Variants in SHISA6 observed in about 807,000 individuals in gnomAD.
The protein encoded by SHISA6 is shisa family member 6.
Under a neutral mutation model 47.9 loss-of-function variants are expected in SHISA6, and 22 were observed. The observed-to-expected ratio is 0.46, with a 90% CI of 0.33 to 0.66. The LOEUF is 0.66. SHISA6 is among the 30% of genes least tolerant of loss of function. SHISA6 has a pLI of 0.02. For missense variants in SHISA6, 680 were observed against 764.6 expected (o/e 0.89, Z 1.30); for synonymous variants, 388 against 337.8 (o/e 1.15, Z -1.63).
At chr17:11,416,585 T>G (rs1914289153) in intron 3 of SHISA6, among the ~76,000 whole-genome samples, 1 of 152,216 alleles carries the variant, frequency 6.6e-6, no homozygotes. Context: ...TGAATGAAAA[T>G]TACTTGGATT....
chr17:11,421,159 C>G (rs1914443521), intron 3 of SHISA6, among the ~76,000 whole-genome samples: 1 of 152,210 alleles, frequency 6.6e-6, no homozygotes, highest in Non-Finnish European at 1.5e-5. Context: ...GTTCCTCTAC[C>G]TCTCATATTC....
intron 3 of SHISA6, among the ~76,000 whole-genome samples, chr17:11,382,051 C>T (rs1244555875): frequency 1.3e-5 from 2 of 151,818 alleles, no homozygotes; most frequent in African/African-American, 4.8e-5. Flanking sequence ...AGGCAGACTT[C>T]GGAAATGGAG....
rs572170919 is a variant in SHISA6, at chr17:11,537,202, A to G, written c.896-14694A>G. 3.9e-5 allele frequency among the ~76,000 whole-genome samples: 6 copies of G among 152,190 alleles called. No individual in the cohort carries two copies. The South Asian group carries it at 1.2e-3, about 32-fold the overall frequency. ...ACAGACCTGGGCTCTCAAGAAAAAG[A>G]GCACTCACTACTCAGCTCCAAGGGG... On this transcript the variant is annotated intron_variant, in intron 3 of 5. Transcript: ENST00000441885.
Position 11,379,466 on chromosome 17 carries a change from C to T in SHISA6, c.852C>T (p.Phe284=). The T allele has an allele frequency of 6.5e-7, 1 of 1,542,616 alleles. No homozygotes were observed. Among genetic ancestry groups the T allele is most frequent in the Non-Finnish European group, 8.7e-7 (1 of 1,143,134 alleles). Residue 284 remains phenylalanine (F), a synonymous_variant, in exon 3 of 6, where the codon TTC becomes TTT. Coordinates refer to ENST00000441885, the MANE Select transcript of SHISA6 (RefSeq NM_207386.4). ...YRSGGPDLHN[F]ISSGFVTLGR... ...GTGGAGGACCTGATCTCCATAACTT[C>T]ATCTCATCTGGATTTGTCACATTAG...
At chr17:11,254,673 C>T (rs1907944251) in intron 1 of SHISA6, among the ~76,000 whole-genome samples, 1 of 152,186 alleles carries the variant, frequency 6.6e-6, no homozygotes. Flanking sequence ...CTAGTTGATT[C>T]TCATGGGGAG....
chr17:11,473,620 A>G (rs1185090399), intron 3 of SHISA6, among the ~76,000 whole-genome samples: 2 of 152,048 alleles, frequency 1.3e-5, no homozygotes, highest in Non-Finnish European at 2.9e-5. Flanking sequence ...AATTTTTTAT[A>G]TATATCATAT....
chr17:11,532,484 C>T (rs571873914), intron 3 of SHISA6, among the ~76,000 whole-genome samples: 12 of 151,848 alleles, frequency 7.9e-5, no homozygotes, highest in Admixed American at 1.3e-4. Context: ...TGTGCGCGCG[C>T]GTGTGTGTGT....
intron 3 of SHISA6, among the ~76,000 whole-genome samples, chr17:11,546,647 G>A (rs1184619166): frequency 1.3e-5 from 2 of 152,108 alleles, no homozygotes; most frequent in African/African-American, 2.4e-5. Context: ...GGGGCCAGTC[G>A]CAGTGGCTCA....
intron 3 of SHISA6, among the ~76,000 whole-genome samples, chr17:11,536,544 G>T (rs2071789937): frequency 6.6e-6 from 1 of 152,108 alleles, no homozygotes; most frequent in Non-Finnish European, 1.5e-5. Context: ...TGTAAGATGG[G>T]GTGCCTGCCC....
intron 2 of SHISA6, among the ~76,000 whole-genome samples, chr17:11,282,953 TA>T (rs1909172302): frequency 6.6e-6 from 1 of 152,178 alleles, no homozygotes; most frequent in Non-Finnish European, 1.5e-5. Flanking sequence ...AGGTTTACAT[TA>T]AAAAACAGTC....
At chr17:11,325,572 A>G (rs1383028664) in intron 2 of SHISA6, among the ~76,000 whole-genome samples, 1 of 152,214 alleles carries the variant, frequency 6.6e-6, no homozygotes, top group Admixed American at 6.5e-5. Flanking sequence ...ATAGGGGGAA[A>G]GAAACATTTC....
At chr17:11,536,013 G>C (rs1009588798) in intron 3 of SHISA6, among the ~76,000 whole-genome samples, 1 of 151,830 alleles carries the variant, frequency 6.6e-6, no homozygotes, top group Non-Finnish European at 1.5e-5. Flanking sequence ...TAGATAGATA[G>C]ATATATATAG....
chr17:11,417,962 A>G (rs905805862), intron 3 of SHISA6, among the ~76,000 whole-genome samples: 1 of 152,232 alleles, frequency 6.6e-6, no homozygotes. Context: ...GAAGTACTCA[A>G]GGTACTTGGT....
intron 3 of SHISA6, among the ~76,000 whole-genome samples, chr17:11,529,825 C>T (rs1567630702): frequency 6.6e-6 from 1 of 152,026 alleles, no homozygotes; most frequent in Admixed American, 6.5e-5. Context: ...AAATTAATTA[C>T]CCTAATAGGG....
chr17:11,340,328 G>A (rs1008097560), intron 2 of SHISA6, among the ~76,000 whole-genome samples: 10 of 152,228 alleles, frequency 6.6e-5, no homozygotes, highest in African/African-American at 2.4e-4. Context: ...CTGAGCTCAT[G>A]CCTGTGGTTG....
chr17:11,555,973 C>A, intron 5 of SHISA6, 81 bp downstream of exon 5: 2 of 1,381,560 alleles, frequency 1.4e-6, no homozygotes, highest in Non-Finnish European at 1.9e-6. Flanking sequence ...TTGCTCCATA[C>A]CCCATAGGAC....
chr17:11,312,215 C>G (rs570260737), intron 2 of SHISA6, among the ~76,000 whole-genome samples: 1 of 151,982 alleles, frequency 6.6e-6, no homozygotes, highest in Admixed American at 6.6e-5. Flanking sequence ...TCCATTAATC[C>G]TTTTCTCTTC....
At chr17:11,286,058 G>A (rs1003762980) in intron 2 of SHISA6, among the ~76,000 whole-genome samples, 3 of 151,900 alleles carry the variant, frequency 2.0e-5, no homozygotes, top group African/African-American at 7.3e-5. Context: ...GGATGGTCTC[G>A]AACTCCTGAA....
At chr17:11,538,288 C>T (rs897646822) in intron 3 of SHISA6, among the ~76,000 whole-genome samples, 1 of 152,098 alleles carries the variant, frequency 6.6e-6, no homozygotes, top group Non-Finnish European at 1.5e-5. Flanking sequence ...GGTCTCAACT[C>T]CTGACCTTGT....
Sources: allele counts gnomAD v4.1 joint callset (sites outside exome capture counted in the v4.1 genomes callset), GRCh38; gene constraint gnomAD v4.1.1; transcripts MANE v1.5; gene names NCBI Gene and HGNC (gene_info 2026-07-23, HGNC 2026-07-21).